GVQW3: variants seen among roughly 807,000 people sequenced by gnomAD.
GVQW3 encodes protein GVQW3.
GVQW3 carries 7 observed loss-of-function variants against 12.5 expected under a neutral mutation model. The ratio of observed to expected loss-of-function variants is 0.56; its 90% CI spans 0.32 to 1.05. The LOEUF is 1.05. Ranked by LOEUF, GVQW3 falls within the 50% of genes least tolerant of loss-of-function variation. The pLI is 0.04. For synonymous variants in GVQW3, 71 were observed against 67.2 expected (o/e 1.06, Z -0.28); for missense variants, 188 against 190.8 (o/e 0.99, Z 0.09).
In GVQW3 at chr11:76,404,154, G is replaced by C. The variant is rs114847174; in HGVS notation, c.*396G>C. The C allele has an allele frequency of 4.9e-4, 210 of 432,494 alleles. 3 individuals are homozygous for C. The highest frequency in any genetic ancestry group is 3.8e-3 in the African/African-American group (186 of 49,386). The allele number at this position is 432,494 out of a possible 1,614,324, so 26.8% of individuals were successfully genotyped here. A position where few individuals can be genotyped will look rare whatever the true frequency, so the allele number is the denominator to read the frequency against. Reference sequence around the variant, plus strand: ...TACTTATTTATTTTAGACTAGTTAAGTTCAGTAGTGAGAAAGAGGGAAGGA... The same window carrying C: ...TACTTATTTATTTTAGACTAGTTAACTTCAGTAGTGAGAAAGAGGGAAGGA... On this transcript the variant is annotated 3_prime_UTR_variant, in exon 2 of 2. Transcript: ENST00000529331.
At chr11:76,402,506 T>C (rs1565247455) in intron 1 of GVQW3, among the ~76,000 whole-genome samples, 1 of 151,566 alleles carries the variant, frequency 6.6e-6, no homozygotes, top group African/African-American at 2.4e-5. Flanking sequence ...TGAGTCCTGA[T>C]TGTGCCCCTG....
At chr11:76,385,868 GC>G (rs761360399) in intron 1 of GVQW3, among the ~76,000 whole-genome samples, 1 of 152,110 alleles carries the variant, frequency 6.6e-6, no homozygotes, top group Non-Finnish European at 1.5e-5. Context: ...TCTCAAGGAG[GC>G]AATATGGTTA....
rs371098437 is a variant in GVQW3, at chr11:76,395,956, A to G, written c.466-7704A>G. Among the ~76,000 whole-genome samples the G allele has an allele frequency of 5.9e-5, 9 of 152,232 alleles. No homozygotes were observed. In the East Asian group the frequency reaches 1.4e-3, roughly 23 times the overall value. The stretch of plus-strand genomic sequence containing the variant: ...GAAACCTTATGAAATATGTCTTGCC[A>G]CTCTAGATGTTAGGAATAGGAAGTG... On this transcript the variant is annotated intron_variant, in intron 1 of 1. Coordinates refer to ENST00000529331, the MANE Select transcript of GVQW3 (RefSeq NM_001347885.2).
intron 1 of GVQW3, among the ~76,000 whole-genome samples, chr11:76,385,843 C>G (rs1409412499): frequency 6.6e-6 from 1 of 152,094 alleles, no homozygotes; most frequent in African/African-American, 2.4e-5. Flanking sequence ...CCAGAGGCAC[C>G]CAGTGTCACC....
chr11:76,402,793 C>A (rs1947003621), intron 1 of GVQW3, among the ~76,000 whole-genome samples: 1 of 151,674 alleles, frequency 6.6e-6, no homozygotes, highest in Middle Eastern at 3.4e-3. Flanking sequence ...ATCACCCAGG[C>A]TCAATTGATC....
At chr11:76,411,503 AATG>A (rs2134572941), downstream of GVQW3, 1 of 152,350 alleles carries the variant, frequency 6.6e-6, no homozygotes, top group African/African-American at 2.4e-5. Context: ...TGGAGAGAGA[AATG>A]ATGGAGAAAG....
chr11:76,399,734 C>G (rs1662638236), intron 1 of GVQW3, among the ~76,000 whole-genome samples: 1 of 152,176 alleles, frequency 6.6e-6, no homozygotes, highest in African/African-American at 2.4e-5. Context: ...ACTCCTCCTG[C>G]CTGGCTGCTG....
chr11:76,384,193 A>C (rs977457060), intron 1 of GVQW3, among the ~76,000 whole-genome samples: 1 of 152,240 alleles, frequency 6.6e-6, no homozygotes, highest in Non-Finnish European at 1.5e-5. Flanking sequence ...TAGATATAAC[A>C]GCTCCTCTTA....
At chr11:76,391,082 G>A (rs907384266) in intron 1 of GVQW3, among the ~76,000 whole-genome samples, 10 of 152,308 alleles carry the variant, frequency 6.6e-5, no homozygotes, top group Middle Eastern at 3.4e-3. Flanking sequence ...ACCCTACAAC[G>A]TGGTGGTAGT....
chr11:76,405,587 G>A lies in GVQW3; in HGVS notation c.*1829G>A, dbSNP rs1450892928. The A allele has an allele frequency of 1.3e-5, 2 of 152,336 alleles. No individual in the cohort carries two copies. Among genetic ancestry groups the A allele is most frequent in the African/African-American group, 4.8e-5 (2 of 41,442 alleles). 9.4% of individuals were successfully genotyped at this position (152,336 alleles called of 1,614,324 possible). Reference sequence around the variant, plus strand: ...AGGGCTCTTTCCATTGCCATGCTATGTTCCACCCTCCCCTTCAACTGCCCC... The same window carrying A: ...AGGGCTCTTTCCATTGCCATGCTATATTCCACCCTCCCCTTCAACTGCCCC... On this transcript the variant is annotated 3_prime_UTR_variant, in exon 2 of 2. Transcript: ENST00000529331.
intron 1 of GVQW3, among the ~76,000 whole-genome samples, chr11:76,401,845 G>T (rs1038575810): frequency 6.6e-6 from 1 of 151,798 alleles, no homozygotes; most frequent in African/African-American, 2.4e-5. Context: ...TGCATCTAAA[G>T]GTAAAGTAAA....
chr11:76,387,383 T>C (rs1236505340), intron 1 of GVQW3, among the ~76,000 whole-genome samples: 2 of 151,836 alleles, frequency 1.3e-5, no homozygotes, highest in African/African-American at 2.4e-5. Flanking sequence ...TGATCCAAGA[T>C]CTTGCCACTA....
At position 76,406,506 on chromosome 11, in the gene GVQW3, G is replaced by A. The variant is rs1947040125; in HGVS notation, c.*2748G>A. 6.6e-6 allele frequency: 1 copy of A among 152,170 alleles called. No individual in the cohort carries two copies. The highest frequency in any genetic ancestry group is 1.5e-5 in the Non-Finnish European group (1 of 68,056). The allele number at this position is 152,170 out of a possible 1,614,324, so 9.4% of individuals were successfully genotyped here. A position where few individuals can be genotyped will look rare whatever the true frequency, so the allele number is the denominator to read the frequency against. On this transcript the variant is annotated 3_prime_UTR_variant, in exon 2 of 2. Coordinates refer to ENST00000529331, the MANE Select transcript of GVQW3 (RefSeq NM_001347885.2). ...TGCAAAAGACCTCAATCTCATTACT[G>A]TAATATTGCACCTCATTTCTGACCC... is the stretch of plus-strand genomic sequence containing the variant.
At chr11:76,394,001 C>T (rs933644056) in intron 1 of GVQW3, among the ~76,000 whole-genome samples, 3 of 152,052 alleles carry the variant, frequency 2.0e-5, no homozygotes, top group African/African-American at 7.2e-5. Context: ...TGGGTTCAAG[C>T]GATTTTCGTG....
chr11:76,402,251 G>A (rs970752919), intron 1 of GVQW3, among the ~76,000 whole-genome samples: 2 of 151,980 alleles, frequency 1.3e-5, no homozygotes, highest in African/African-American at 2.4e-5. Context: ...CAAATTCAGC[G>A]ATAAAAAATA....
chr11:76,404,168 AAG>A lies in GVQW3; in HGVS notation c.*413_*414del. ...AGACTAGTTAAGTTCAGTAGTGAGAAAGAGGGAAGGAATAGAACGAGGAGTTC... is the reference window on the plus strand; with the variant it reads ...AGACTAGTTAAGTTCAGTAGTGAGAAAGGGAAGGAATAGAACGAGGAGTTC... On this transcript the variant is annotated 3_prime_UTR_variant, in exon 2 of 2. Transcript: ENST00000529331. 2.4e-6 allele frequency: 1 copy of A among 423,192 alleles called. No homozygotes were observed. Among genetic ancestry groups the A allele is most frequent in the Non-Finnish European group, 4.2e-6 (1 of 238,522 alleles). 26.2% of individuals were successfully genotyped at this position (423,192 alleles called of 1,614,324 possible).
chr11:76,382,427 C>G (rs758648113), intron 1 of GVQW3, 134 bp downstream of exon 1: 6 of 708,774 alleles, frequency 8.5e-6, no homozygotes, highest in South Asian at 4.6e-5. Context: ...AGCCTTCCCC[C>G]CAGGGTAGCT....
In GVQW3 at chr11:76,407,095, G is replaced by A. The variant is rs1023975145; in HGVS notation, c.*3337G>A. Reference sequence around the variant, plus strand: ...CTTGGAAGAGGATAACTCTAAGTTTGGTTGTATAATTTCTGCTGTGTTTAA... The same window carrying A: ...CTTGGAAGAGGATAACTCTAAGTTTAGTTGTATAATTTCTGCTGTGTTTAA... On this transcript the variant is annotated 3_prime_UTR_variant, in exon 2 of 2. Transcript: ENST00000529331. 13 of 152,142 alleles carry A rather than the reference G, an allele frequency of 8.5e-5. No individual in the cohort carries two copies. Among genetic ancestry groups the A allele is most frequent in the African/African-American group, 3.1e-4 (13 of 41,442 alleles). 9.4% of individuals were successfully genotyped at this position (152,142 alleles called of 1,614,324 possible). A position where few individuals can be genotyped will look rare whatever the true frequency, so the allele number is the denominator to read the frequency against.
chr11:76,398,783 G>A (rs1946962192), intron 1 of GVQW3, among the ~76,000 whole-genome samples: 2 of 152,144 alleles, frequency 1.3e-5, no homozygotes, highest in South Asian at 2.1e-4. Context: ...TCTTATAGAC[G>A]TATATCTATT....
Sources: allele counts gnomAD v4.1 joint callset (sites outside exome capture counted in the v4.1 genomes callset), GRCh38; gene constraint gnomAD v4.1.1; transcripts MANE v1.5; gene names NCBI Gene and HGNC (gene_info 2026-07-23, HGNC 2026-07-21).